Variants in NT5DC3 observed in about 807,000 individuals in gnomAD.
The protein encoded by NT5DC3 is 5'-nucleotidase domain-containing protein 3.
In NT5DC3, 42 loss-of-function variants were observed where a neutral mutation model predicts 67.8. That is an observed-to-expected ratio of 0.62 (90% confidence interval 0.48 to 0.80). NT5DC3 has a LOEUF of 0.80. Among genes scored for constraint, NT5DC3 ranks in the 30% least tolerant of loss-of-function variants. The probability of loss-of-function intolerance (pLI) is 0.00; values close to 1 mark genes in which losing one functional copy is unlikely to be tolerated. For missense variants in NT5DC3, 570 were observed against 696.4 expected, an observed-to-expected ratio of 0.82 and a Z score of 2.04; for synonymous variants, 237 against 255.6, an observed-to-expected ratio of 0.93 and a Z score of 0.69.
intron 2 of NT5DC3, among the ~76,000 whole-genome samples, chr12:103,813,150 G>A (rs1300847186): frequency 6.6e-6 from 1 of 152,240 alleles, no homozygotes; most frequent in African/African-American, 2.4e-5. Context: ...AGAAAACACT[G>A]CAGCTGACCT....
rs1404964185 is a variant in NT5DC3 at position 103,835,983 on chromosome 12, C to T, written c.208+4966G>A. On this transcript the variant is annotated intron_variant, in intron 1 of 13. Transcript: ENST00000392876. ...CAGCAACAGAAAAATGAAGCAGCAG[C>T]AAAAGCGGAAACCCCTGATAAGCCT... 2.6e-4 allele frequency among the ~76,000 whole-genome samples: 39 copies of T among 152,292 alleles called. No individual in the cohort carries two copies. The South Asian group carries it at 3.9e-3, about 15-fold the overall frequency.
intron 1 of NT5DC3, among the ~76,000 whole-genome samples, chr12:103,831,726 A>T (rs1168051152): frequency 6.6e-6 from 1 of 151,338 alleles, no homozygotes; most frequent in African/African-American, 2.4e-5. Context: ...TTCCCAGAAC[A>T]GTCACACCTT....
At chr12:103,750,581 C>A in the NT5DC3 span, 6 of 1,614,116 alleles carry the variant, frequency 3.7e-6, no homozygotes, top group Admixed American at 1.7e-5. Flanking sequence ...CTCCACAGGG[C>A]AAGCACAAGT....
intron 7 of NT5DC3, 138 bp from the exon 8 acceptor site, chr12:103,793,650 T>C: frequency 3.0e-6 from 2 of 662,310 alleles, no homozygotes; most frequent in Non-Finnish European, 5.2e-6. Flanking sequence ...AGAAGCTTTG[T>C]CCGGTGGAAC....
chr12:103,805,370 C>G (rs1389261258), intron 4 of NT5DC3, among the ~76,000 whole-genome samples: 1 of 152,168 alleles, frequency 6.6e-6, no homozygotes, highest in Admixed American at 6.5e-5. Flanking sequence ...GACTGTGTGA[C>G]TCTATCCATG....
At chr12:103,806,229 C>T (rs1886795252) in intron 4 of NT5DC3, 93 bp downstream of exon 4, 1 of 784,812 alleles carries the variant, frequency 1.3e-6, no homozygotes, top group East Asian at 2.5e-5. Flanking sequence ...ATTCACACTG[C>T]AGCCCTCTTC....
At chr12:103,779,921 A>G (rs1476412512) in intron 13 of NT5DC3, among the ~76,000 whole-genome samples, 2 of 152,166 alleles carry the variant, frequency 1.3e-5, no homozygotes, top group African/African-American at 4.8e-5. Flanking sequence ...GAATTCATTG[A>G]GGGTTCAGAG....
At chr12:103,830,809 A>G (rs768911455) in intron 1 of NT5DC3, among the ~76,000 whole-genome samples, 4 of 152,332 alleles carry the variant, frequency 2.6e-5, no homozygotes, top group Non-Finnish European at 4.4e-5. Flanking sequence ...AGTTTCAAAC[A>G]CTCATAGATA....
chr12:103,779,879 AC>A (rs1043875230), intron 13 of NT5DC3, among the ~76,000 whole-genome samples: 6 of 152,182 alleles, frequency 3.9e-5, no homozygotes, highest in African/African-American at 1.4e-4. Context: ...AGCTGTGGTT[AC>A]AAATAAGCAC....
intron 2 of NT5DC3, among the ~76,000 whole-genome samples, chr12:103,814,421 GA>G (rs1263357100): frequency 1.3e-5 from 2 of 152,174 alleles, no homozygotes; most frequent in African/African-American, 4.8e-5. Context: ...CCTGCTTCCT[GA>G]AATGTGTACT....
At chr12:103,794,902 C>T (rs895781681) in intron 6 of NT5DC3, among the ~76,000 whole-genome samples, 1 of 152,214 alleles carries the variant, frequency 6.6e-6, no homozygotes, top group African/African-American at 2.4e-5. Flanking sequence ...GGTGTCAAAA[C>T]AGGGTCCCAC....
chr12:103,823,612 A>G (rs911062604), intron 1 of NT5DC3, among the ~76,000 whole-genome samples: 1 of 152,210 alleles, frequency 6.6e-6, no homozygotes, highest in Non-Finnish European at 1.5e-5. Context: ...GAATACTCCC[A>G]GATATTCCAA....
At chr12:103,755,639 A>C in the NT5DC3 span, 1 of 1,614,126 alleles carries the variant, frequency 6.2e-7, no homozygotes, top group Non-Finnish European at 8.5e-7. Context: ...AAGGTGGGCT[A>C]TGTGGGAGAT....
chr12:103,813,058 G>C (rs371956552), intron 2 of NT5DC3, among the ~76,000 whole-genome samples: 32 of 152,362 alleles, frequency 2.1e-4, no homozygotes, highest in East Asian at 7.7e-4. Context: ...CTTAGAACCT[G>C]TGCTTTCAGC....
At chr12:103,790,148 A>G (rs532120980) in intron 9 of NT5DC3, among the ~76,000 whole-genome samples, 1 of 152,256 alleles carries the variant, frequency 6.6e-6, no homozygotes, top group South Asian at 2.1e-4. Flanking sequence ...TCTGTTCCCC[A>G]GGATGAAGTG....
chr12:103,817,762 T>C (rs1348643101), intron 1 of NT5DC3, among the ~76,000 whole-genome samples: 1 of 152,128 alleles, frequency 6.6e-6, no homozygotes, highest in Non-Finnish European at 1.5e-5. Context: ...GGCTCCAGAA[T>C]CTATGTTCTT....
downstream of NT5DC3, among the ~76,000 whole-genome samples, chr12:103,768,250 C>CA (rs1885070260): frequency 6.6e-6 from 1 of 151,614 alleles, no homozygotes; most frequent in Non-Finnish European, 1.5e-5. Flanking sequence ...GCCTGGCCGA[C>CA]ATGGTGAAAC....
intron 1 of NT5DC3, among the ~76,000 whole-genome samples, chr12:103,829,651 C>A (rs1887840923): frequency 6.6e-6 from 1 of 152,154 alleles, no homozygotes; most frequent in Non-Finnish European, 1.5e-5. Flanking sequence ...CCATCACATT[C>A]TATGCTATTT....
chr12:103,827,448 G>A (rs1273605883), intron 1 of NT5DC3, among the ~76,000 whole-genome samples: 1 of 152,084 alleles, frequency 6.6e-6, no homozygotes, highest in African/African-American at 2.4e-5. Flanking sequence ...AAAGAGTACT[G>A]AGGGCAAAAC....
Sources: allele counts gnomAD v4.1 joint callset (sites outside exome capture counted in the v4.1 genomes callset), GRCh38; gene constraint gnomAD v4.1.1; transcripts MANE v1.5; gene names NCBI Gene and HGNC (gene_info 2026-07-23, HGNC 2026-07-21).